The following RNF38 variants were observed in gnomAD, a reference collection of about 807,000 sequenced individuals.
RNF38 encodes the protein ring finger protein 38.
In RNF38, 15 loss-of-function variants were observed where a neutral mutation model predicts 67.2. That is an observed-to-expected ratio of 0.22 (90% CI 0.15 to 0.34). The LOEUF (loss-of-function observed/expected upper bound fraction) is 0.34, where lower values mean the gene tolerates loss of function less well. Among genes scored for constraint, RNF38 ranks in the 10% least tolerant of loss-of-function variants. RNF38 has a pLI of 1.00. For synonymous variants in RNF38, 220 were observed against 218.8 expected (o/e 1.01, Z -0.05); for missense variants, 524 against 639.9 (o/e 0.82, Z 1.95).
chr9:36,357,781 A>C lies in RNF38; in HGVS notation c.732T>G (p.Pro244=). The C allele has an allele frequency of 1.2e-6, 2 of 1,613,124 alleles. No individual in the cohort carries two copies. Among genetic ancestry groups the C allele is most frequent in the Admixed American group, 1.7e-5 (1 of 59,994 alleles). ...AACAAAGATAGAGACTTACTGGAGG[A>C]GGCACACTACAGACAGGGAGGTGCT... ...SGQHLPVCSV[P]PPMLQACSVQ... is the part of the protein sequence containing the mutation. The change falls in exon 5 of 12, where the codon CCT becomes CCG. Residue 244 remains proline (P), a synonymous_variant. Transcript: ENST00000259605.
At chr9:36,414,998 G>A (rs902144126) in intron 2 of RNF38, among the ~76,000 whole-genome samples, 3 of 152,180 alleles carry the variant, frequency 2.0e-5, no homozygotes, top group Non-Finnish European at 4.4e-5. Context: ...CTTTATTTTA[G>A]TTAGCCTGAT....
intron 1 of RNF38, among the ~76,000 whole-genome samples, chr9:36,391,697 C>G (rs1026864960): frequency 2.0e-5 from 3 of 150,664 alleles, no homozygotes; most frequent in Admixed American, 6.6e-5. Context: ...ACTGCAGGCT[C>G]CACCCACTGG....
At chr9:36,373,130 G>A (rs1265027128) in intron 3 of RNF38, among the ~76,000 whole-genome samples, 1 of 152,124 alleles carries the variant, frequency 6.6e-6, no homozygotes, top group Non-Finnish European at 1.5e-5. Flanking sequence ...TCACTTGAAT[G>A]TGGGAGGTGG....
intron 1 of RNF38, among the ~76,000 whole-genome samples, chr9:36,485,564 T>C (rs1279189601): frequency 1.3e-5 from 2 of 152,216 alleles, no homozygotes; most frequent in Non-Finnish European, 2.9e-5. Flanking sequence ...TGTAAGTCTC[T>C]CACAAGTACA....
intron 1 of RNF38, among the ~76,000 whole-genome samples, chr9:36,393,915 G>A (rs1837331420): frequency 6.6e-6 from 1 of 152,150 alleles, no homozygotes; most frequent in Non-Finnish European, 1.5e-5. Flanking sequence ...GCAAGAAATG[G>A]GGGACCTCAG....
At chr9:36,452,048 C>G (rs1213009210) in intron 1 of RNF38, among the ~76,000 whole-genome samples, 4 of 151,970 alleles carry the variant, frequency 2.6e-5, no homozygotes, top group Non-Finnish European at 2.9e-5. Context: ...GAGATCCCAT[C>G]TCTACTAAAA....
intron 9 of RNF38, 95 bp downstream of exon 9, chr9:36,351,020 C>CA: frequency 1.2e-6 from 1 of 864,604 alleles, no homozygotes; most frequent in Non-Finnish European, 1.8e-6. Flanking sequence ...CCCAGGAAGC[C>CA]AAAAGATTGG....
intron 1 of RNF38, among the ~76,000 whole-genome samples, chr9:36,429,764 A>G (rs184881377): frequency 1.3e-5 from 2 of 152,348 alleles, no homozygotes; most frequent in East Asian, 3.9e-4. Context: ...ACTGCACTCC[A>G]GCCTGGGCAA....
At chr9:36,450,644 G>A (rs2134332907) in intron 1 of RNF38, among the ~76,000 whole-genome samples, 1 of 152,338 alleles carries the variant, frequency 6.6e-6, no homozygotes, top group Non-Finnish European at 1.5e-5. Flanking sequence ...GCCAGGCGCA[G>A]TGGCTCATGC....
intron 3 of RNF38, among the ~76,000 whole-genome samples, chr9:36,375,038 G>T (rs1482945943): frequency 6.6e-6 from 1 of 151,938 alleles, no homozygotes; most frequent in Non-Finnish European, 1.5e-5. Context: ...TATTTCCCTG[G>T]GATATGAAAT....
rs1587441914 is a variant in RNF38, at chr9:36,337,839, G to C, written c.*1913C>G. 1 of 152,582 alleles carries C rather than the reference G, an allele frequency of 6.6e-6. No homozygotes were observed. Among genetic ancestry groups the C allele is most frequent in the East Asian group, 1.9e-4 (1 of 5,202 alleles). The allele number at this position is 152,582 out of a possible 1,614,324, so 9.5% of individuals were successfully genotyped here. On this transcript the variant is annotated 3_prime_UTR_variant, in exon 12 of 12. Coordinates refer to ENST00000259605, the MANE Select transcript of RNF38 (RefSeq NM_022781.5). Reference sequence around the variant, plus strand: ...TATTTAGAAGTATTTCTGATGCACTGACAACCCTAGGGGCAAACACAGTAT... The same window carrying C: ...TATTTAGAAGTATTTCTGATGCACTCACAACCCTAGGGGCAAACACAGTAT...
chr9:36,484,356 C>A (rs1457759762), intron 1 of RNF38, among the ~76,000 whole-genome samples: 2 of 152,158 alleles, frequency 1.3e-5, no homozygotes, highest in South Asian at 2.1e-4. Context: ...GATCACCAGC[C>A]TGCATGTCTA....
chr9:36,346,983 G>T (rs1833287705), intron 9 of RNF38, among the ~76,000 whole-genome samples: 1 of 151,888 alleles, frequency 6.6e-6, no homozygotes, highest in Admixed American at 6.6e-5. Flanking sequence ...AGACAGGCAT[G>T]GTGGCGTGCA....
intron 11 of RNF38, among the ~76,000 whole-genome samples, chr9:36,341,867 A>C (rs7025573): frequency 3.9e-4 from 1 of 2,552 alleles, no homozygotes; most frequent in Non-Finnish European, 1.5e-3. Flanking sequence ...TATATATATA[A>C]AGAAGCCCCT....
chr9:36,352,858 G>A lies in RNF38; in HGVS notation c.1072-10C>T, dbSNP rs746160526. 2 of 1,578,572 alleles carry A rather than the reference G, an allele frequency of 1.3e-6. No individual in the cohort carries two copies. Among genetic ancestry groups the A allele is most frequent in the African/African-American group, 1.3e-5 (1 of 74,212 alleles). On this transcript the variant is annotated splice_polypyrimidine_tract_variant and intron_variant, in intron 7 of 11. Transcript: ENST00000259605. Reference sequence around the variant, plus strand: ...TAAATGGAGGATAAGGCTGCAAGGGGAAAAATGTTAAGATTTAGAATCACT... The same window carrying A: ...TAAATGGAGGATAAGGCTGCAAGGGAAAAAATGTTAAGATTTAGAATCACT...
At chr9:36,362,136 C>T (rs559768408) in intron 4 of RNF38, among the ~76,000 whole-genome samples, 1 of 152,168 alleles carries the variant, frequency 6.6e-6, no homozygotes, top group South Asian at 2.1e-4. Flanking sequence ...GTGGGTGGAT[C>T]GCCTGAGGTC....
rs1314234071 is a variant in RNF38 at position 36,337,221 on chromosome 9, G to A, written c.*2531C>T. On this transcript the variant is annotated 3_prime_UTR_variant, in exon 12 of 12. Transcript: ENST00000259605. ...TGCTCACTGTGGCAAGCCTGAGCTG[G>A]TCAGAACACCTGTGTGTGTGTTCCT... 6.6e-6 allele frequency: 1 copy of A among 152,220 alleles called. No homozygotes were observed. Among genetic ancestry groups the A allele is most frequent in the Non-Finnish European group, 1.5e-5 (1 of 68,046 alleles). 9.4% of individuals were successfully genotyped at this position (152,220 alleles called of 1,614,324 possible).
chr9:36,474,635 C>G (rs754742326), intron 1 of RNF38, among the ~76,000 whole-genome samples: 1 of 148,082 alleles, frequency 6.8e-6, no homozygotes, highest in Non-Finnish European at 1.5e-5. Context: ...TTCATCTGTA[C>G]AATAAGTATA....
intron 10 of RNF38, among the ~76,000 whole-genome samples, chr9:36,343,481 A>C (rs1832993319): frequency 6.6e-6 from 1 of 152,182 alleles, no homozygotes; most frequent in Non-Finnish European, 1.5e-5. Flanking sequence ...AAGGTACACA[A>C]ATGGCTAGTA....
Sources: allele counts gnomAD v4.1 joint callset (sites outside exome capture counted in the v4.1 genomes callset), GRCh38; gene constraint gnomAD v4.1.1; transcripts MANE v1.5; gene names NCBI Gene and HGNC (gene_info 2026-07-23, HGNC 2026-07-21).